The following GOLGA7B variants were observed in gnomAD, a reference collection of about 807,000 sequenced individuals.
GOLGA7B encodes golgin subfamily A member 7B.
Under a neutral mutation model 21.5 loss-of-function variants are expected in GOLGA7B, and 17 were observed. The ratio of observed to expected loss-of-function variants is 0.79; its 90% CI spans 0.54 to 1.19. The LOEUF (loss-of-function observed/expected upper bound fraction) is 1.19. GOLGA7B is among the 50% of genes most tolerant of loss of function. GOLGA7B has a pLI of 0.00. For missense variants in GOLGA7B, 169 were observed against 224.4 expected (o/e 0.75, Z 1.58); for synonymous variants, 87 against 84.0 (o/e 1.04, Z -0.19).
intron 1 of GOLGA7B, among the ~76,000 whole-genome samples, chr10:97,852,607 C>T (rs1471718524): frequency 6.6e-6 from 1 of 151,830 alleles, no homozygotes; most frequent in Admixed American, 6.6e-5. Flanking sequence ...AGAGGGAAAA[C>T]ATCGCTTTAA....
intron 1 of GOLGA7B, among the ~76,000 whole-genome samples, chr10:97,852,151 A>T (rs919487420): frequency 6.6e-6 from 1 of 152,252 alleles, no homozygotes; most frequent in African/African-American, 2.4e-5. Context: ...AATATGGCTA[A>T]AAGGTGGCAG....
In GOLGA7B at chr10:97,868,249, G is replaced by C. The variant is rs1328439320; in HGVS notation, c.*2549G>C. Reference sequence around the variant, plus strand: ...TTTGCTGAAACCATATGTTAGAGCTGGCAGGGGATTTAAAGATCACTTGAA... The same window carrying C: ...TTTGCTGAAACCATATGTTAGAGCTCGCAGGGGATTTAAAGATCACTTGAA... On this transcript the variant is annotated 3_prime_UTR_variant, in exon 5 of 5. Coordinates refer to ENST00000370602, the MANE Select transcript of GOLGA7B (RefSeq NM_001010917.3). 1 of 152,286 alleles carries C rather than the reference G, an allele frequency of 6.6e-6. No homozygotes were observed. The highest frequency in any genetic ancestry group is 1.5e-5 in the Non-Finnish European group (1 of 68,074). 9.4% of individuals were successfully genotyped at this position (152,286 alleles called of 1,614,324 possible). A position where few individuals can be genotyped will look rare whatever the true frequency, so the allele number is the denominator to read the frequency against.
chr10:97,863,716 G>A (rs547052157), intron 2 of GOLGA7B, among the ~76,000 whole-genome samples: 5 of 152,356 alleles, frequency 3.3e-5, no homozygotes, highest in East Asian at 1.9e-4. Context: ...CACTCAGCCA[G>A]TTAGTTGATG....
intron 1 of GOLGA7B, among the ~76,000 whole-genome samples, chr10:97,851,949 A>G (rs1447898908): frequency 6.6e-6 from 1 of 152,258 alleles, no homozygotes; most frequent in African/African-American, 2.4e-5. Context: ...ACAAAGCACT[A>G]TCGCATAAGT....
In GOLGA7B at chr10:97,865,922, G is replaced by T; in HGVS notation, c.*222G>T. On this transcript the variant is annotated 3_prime_UTR_variant, in exon 5 of 5. Transcript: ENST00000370602. The stretch of plus-strand genomic sequence containing the variant: ...GATCAGTCCATTTCCTGACCTGGGG[G>T]CTTTTCCTTCCCGATGGGGCTGGTC... The T allele has an allele frequency of 1.4e-6, 1 of 700,184 alleles. No individual in the cohort carries two copies. The highest frequency in any genetic ancestry group is 3.2e-5 in the Admixed American group (1 of 30,960). 43.4% of individuals were successfully genotyped at this position (700,184 alleles called of 1,614,324 possible).
rs376256449 is a variant in GOLGA7B at position 97,865,519 on chromosome 10, C to T, written c.394-71C>T. ...CACTTTCCCACTCCCCTGCTGGACT[C>T]CATCCGCTGGTTCATGTCCCACCCC... On this transcript the variant is annotated intron_variant, in intron 4 of 4. Transcript: ENST00000370602. 6.3e-6 allele frequency: 10 copies of T among 1,582,644 alleles called. No homozygotes were observed. In the East Asian group the frequency reaches 1.8e-4, roughly 29 times the overall value.
chr10:97,859,896 A>G (rs7911292), intron 2 of GOLGA7B, among the ~76,000 whole-genome samples: 3,722 of 152,286 alleles, frequency 0.024, 170 homozygotes, highest in African/African-American at 0.084. Context: ...CTACTGGATG[A>G]TACAGGTGTT....
chr10:97,849,977 C>G lies in GOLGA7B; in HGVS notation c.-327C>G, dbSNP rs1213888042. The stretch of plus-strand genomic sequence containing the variant: ...CCCCGGCCGCCCCCATCCCCGCCGC[C>G]GCCGCCGCCAAAGCTAAACCCGGCC... On this transcript the variant is annotated 5_prime_UTR_variant, in exon 1 of 5. Coordinates refer to ENST00000370602, the MANE Select transcript of GOLGA7B (RefSeq NM_001010917.3). Among the ~76,000 whole-genome samples the G allele has an allele frequency of 2.6e-5, 4 of 151,072 alleles. No individual in the cohort carries two copies. Among genetic ancestry groups the G allele is most frequent in the Non-Finnish European group, 3.0e-5 (2 of 67,542 alleles).
chr10:97,853,351 C>T (rs2049915238), intron 1 of GOLGA7B, among the ~76,000 whole-genome samples: 1 of 152,162 alleles, frequency 6.6e-6, no homozygotes, highest in African/African-American at 2.4e-5. Context: ...ATGAAGATGG[C>T]GCCAGGGGGG....
At chr10:97,859,691 C>T (rs529457893) in intron 2 of GOLGA7B, 108 bp downstream of exon 2, 157 of 1,171,890 alleles carry the variant, frequency 1.3e-4, no homozygotes, top group African/African-American at 2.3e-4. Context: ...TCATAGGACA[C>T]GTAACATGTT....
chr10:97,856,161 T>C (rs1377192208), intron 1 of GOLGA7B, among the ~76,000 whole-genome samples: 1 of 152,196 alleles, frequency 6.6e-6, no homozygotes, highest in Non-Finnish European at 1.5e-5. Context: ...GAGATTGGGC[T>C]TCTAGTGTAC....
chr10:97,850,391 G>A lies in GOLGA7B; in HGVS notation c.12+76G>A, dbSNP rs2049897769. ...AATGCCCTAGGGGTGGGCTGGGCAG[G>A]AGTGGGAGGCGGGAGTTGGGGGTGG... On this transcript the variant is annotated intron_variant, in intron 1 of 4. Transcript: ENST00000370602. 8 of 1,293,282 alleles carry A rather than the reference G, an allele frequency of 6.2e-6. No individual in the cohort carries two copies. The South Asian group carries it at 1.1e-4, about 18-fold the overall frequency. The allele number at this position is 1,293,282 out of a possible 1,614,324, so 80.1% of individuals were successfully genotyped here. A position where few individuals can be genotyped will look rare whatever the true frequency, so the allele number is the denominator to read the frequency against.
In GOLGA7B at chr10:97,850,410, G is replaced by T. The variant is rs146970084; in HGVS notation, c.12+95G>T. Reference sequence around the variant, plus strand: ...GGGCAGGAGTGGGAGGCGGGAGTTGGGGGTGGGATGGGGTGATTCCCCAGG... The same window carrying T: ...GGGCAGGAGTGGGAGGCGGGAGTTGTGGGTGGGATGGGGTGATTCCCCAGG... On this transcript the variant is annotated intron_variant, in intron 1 of 4. Transcript: ENST00000370602. The T allele has an allele frequency of 8.0e-3, 8,390 of 1,044,488 alleles. 53 individuals carry two copies. Among genetic ancestry groups the T allele is most frequent in the Middle Eastern group, 0.017 (70 of 4,024 alleles). The allele number at this position is 1,044,488 out of a possible 1,614,324, so 64.7% of individuals were successfully genotyped here. A position where few individuals can be genotyped will look rare whatever the true frequency, so the allele number is the denominator to read the frequency against.
At chr10:97,858,696 A>G (rs1018401084) in intron 1 of GOLGA7B, among the ~76,000 whole-genome samples, 7 of 152,100 alleles carry the variant, frequency 4.6e-5, no homozygotes, top group African/African-American at 1.7e-4. Context: ...TTCTCTGGAG[A>G]AGTTTGGACA....
rs2136519283 is a variant in GOLGA7B at position 97,864,248 on chromosome 10, T to C, written c.372T>C (p.Pro124=). 1 of 1,613,946 alleles carries C rather than the reference T, an allele frequency of 6.2e-7. No homozygotes were observed. The highest frequency in any genetic ancestry group is 8.5e-7 in the Non-Finnish European group (1 of 1,179,828). The change falls in exon 4 of 5, where the codon CCT becomes CCC. Residue 124 remains proline, a synonymous_variant. Transcript: ENST00000370602. ...CTCGAGGCCTCCTACTTACAGACCC[T>C]GTGGAGCGTGGGATGAGGGTTGTAT... ...FAPRGLLLTD[P]VERGMRVIEI...
rs1470777120 is a variant in GOLGA7B at position 97,870,304 on chromosome 10, G to A, written c.*4604G>A. On this transcript the variant is annotated 3_prime_UTR_variant, in exon 5 of 5. Coordinates refer to ENST00000370602, the MANE Select transcript of GOLGA7B (RefSeq NM_001010917.3). Reference sequence around the variant, plus strand: ...TTAATACACCTCTGAAAATGCCTGAGACCTGAATAAGAAGTTTATGGTTCC... The same window carrying A: ...TTAATACACCTCTGAAAATGCCTGAAACCTGAATAAGAAGTTTATGGTTCC... 6.6e-6 allele frequency: 1 copy of A among 152,102 alleles called. No homozygotes were observed. The highest frequency in any genetic ancestry group is 1.5e-5 in the Non-Finnish European group (1 of 68,028). The allele number at this position is 152,102 out of a possible 1,614,324, so 9.4% of individuals were successfully genotyped here. A position where few individuals can be genotyped will look rare whatever the true frequency, so the allele number is the denominator to read the frequency against.
intron 4 of GOLGA7B, among the ~76,000 whole-genome samples, chr10:97,864,837 T>TGG (rs2136519863): frequency 6.6e-6 from 1 of 151,918 alleles, no homozygotes; most frequent in East Asian, 1.9e-4. Flanking sequence ...TGGACGGGGG[T>TGG]GGGGCGTGGT....
Position 97,850,252 on chromosome 10 carries a change from G to T in GOLGA7B, c.-52G>T, listed in dbSNP as rs2049896365. 1.1e-5 allele frequency: 15 copies of T among 1,407,820 alleles called. No individual in the cohort carries two copies. Among genetic ancestry groups the T allele is most frequent in the Non-Finnish European group, 1.4e-5 (15 of 1,065,258 alleles). The allele number at this position is 1,407,820 out of a possible 1,614,324, so 87.2% of individuals were successfully genotyped here. A position where few individuals can be genotyped will look rare whatever the true frequency, so the allele number is the denominator to read the frequency against. On this transcript the variant is annotated 5_prime_UTR_variant, in exon 1 of 5. Coordinates refer to ENST00000370602, the MANE Select transcript of GOLGA7B (RefSeq NM_001010917.3). ...CCCACCTGCTCCCGGGGTCAGCACC[G>T]CGGAGACCCCCCTCGCCCGGCCCCG...
intron 1 of GOLGA7B, among the ~76,000 whole-genome samples, chr10:97,855,983 C>A (rs757510958): frequency 3.0e-4 from 45 of 152,202 alleles, no homozygotes; most frequent in Non-Finnish European, 5.6e-4. Context: ...GGATTCCCAC[C>A]TTTTCAGGAC....
Sources: gnomAD v4.1 joint callset for allele counts (sites outside exome capture counted in the v4.1 genomes callset) on GRCh38, gnomAD v4.1.1 for gene constraint, MANE v1.5 for transcripts, NCBI Gene and HGNC (gene_info 2026-07-23, HGNC 2026-07-21) for gene names.